Variants in COL6A6 observed in about 807,000 individuals in gnomAD.
COL6A6 encodes collagen alpha-6(VI) chain.
Under a neutral mutation model 208.6 loss-of-function variants are expected in COL6A6, and 183 were observed. That is an observed-to-expected ratio of 0.88 (90% CI 0.78 to 0.99). The LOEUF (loss-of-function observed/expected upper bound fraction) is 0.99. COL6A6 is among the 50% of genes least tolerant of loss of function. The pLI is 0.00. For missense variants in COL6A6, 2,816 were observed against 2,815.2 expected, an observed-to-expected ratio of 1.00 and a Z score of -0.01; for synonymous variants, 973 against 1,011.8, an observed-to-expected ratio of 0.96 and a Z score of 0.73.
At chr3:130,530,367 G>A (rs148769684) in intron 1 of COL6A6, among the ~76,000 whole-genome samples, 53 of 152,244 alleles carry the variant, frequency 3.5e-4, no homozygotes, top group Admixed American at 1.3e-3. Flanking sequence ...CTTAAAAACC[G>A]TTTGGCTCTG....
At chr3:130,584,942 TTC>T (rs148582515) in intron 10 of COL6A6, among the ~76,000 whole-genome samples, 6,986 of 152,200 alleles carry the variant, frequency 0.046, 540 homozygotes, top group African/African-American at 0.16. Context: ...CAGCTAACCA[TTC>T]TGTTTGCCTC....
intron 32 of COL6A6, among the ~76,000 whole-genome samples, chr3:130,647,289 A>T (rs1353471542): frequency 6.6e-6 from 1 of 152,042 alleles, no homozygotes; most frequent in African/African-American, 2.4e-5. Flanking sequence ...TTTTTCCCCT[A>T]AAAAAACTTG....
intron 18 of COL6A6, among the ~76,000 whole-genome samples, chr3:130,597,655 C>T (rs1222866214): frequency 2.0e-5 from 3 of 152,282 alleles, no homozygotes; most frequent in South Asian, 2.1e-4. Context: ...GTGGTTCATA[C>T]GACTCAAGCA....
In COL6A6 at chr3:130,621,858, G is replaced by A. The variant is rs1284232468; in HGVS notation, c.4853G>A (p.Gly1618Asp). The part of the protein sequence containing the change: ...PGPGGEAGNQ[G>D]RLGSQGNKGE... ...CCCGGAGGAGAGGCAGGGAATCAAG[G>A]CCGTTTGGGAAGCCAAGGAAATAAA... The change falls in exon 24 of 37, where the codon GGC becomes GAC. Residue 1618 changes from glycine (G) to aspartate (D), a missense_variant. Coordinates refer to ENST00000358511, the MANE Select transcript of COL6A6 (RefSeq NM_001102608.3). 7.4e-6 allele frequency: 12 copies of A among 1,613,772 alleles called. No homozygotes were observed. The highest frequency in any genetic ancestry group is 1.0e-5 in the Non-Finnish European group (12 of 1,179,830).
intron 8 of COL6A6, among the ~76,000 whole-genome samples, chr3:130,575,644 C>T (rs1560015714): frequency 6.6e-6 from 1 of 152,188 alleles, no homozygotes; most frequent in East Asian, 1.9e-4. Context: ...CCCCATCTTC[C>T]AGGTGCTCCT....
chr3:130,643,158 A>C, intron 31 of COL6A6, 135 bp downstream of exon 31: 1 of 896,678 alleles, frequency 1.1e-6, no homozygotes. Context: ...TTTTTGAGTC[A>C]GCATAGACTG....
rs528283993 is a variant in COL6A6, at chr3:130,564,504, T to C, written c.662-490T>C. 1.2e-3 allele frequency among the ~76,000 whole-genome samples: 184 copies of C among 152,350 alleles called. No homozygotes were observed. In the South Asian group the frequency reaches 0.013, roughly 11 times the overall value. ...GATATATATACTTACCTATTGATAA[T>C]AGAGAATGCTTTCCTTGGGGTCATC... On this transcript the variant is annotated intron_variant, in intron 3 of 36. Transcript: ENST00000358511.
At chr3:130,621,936 C>G in intron 24 of COL6A6, 53 bp downstream of exon 24, 1 of 1,465,962 alleles carries the variant, frequency 6.8e-7, no homozygotes, top group South Asian at 1.1e-5. Flanking sequence ...CTCAAGAGAA[C>G]TGTGTCTAAT....
At chr3:130,550,414 A>G (rs2062615554) in intron 1 of COL6A6, among the ~76,000 whole-genome samples, 1 of 152,146 alleles carries the variant, frequency 6.6e-6, no homozygotes, top group Admixed American at 6.5e-5. Flanking sequence ...AGCTTTCCCC[A>G]TTCAGTATGA....
At chr3:130,665,385 T>C (rs975390783) in intron 36 of COL6A6, among the ~76,000 whole-genome samples, 11 of 152,178 alleles carry the variant, frequency 7.2e-5, no homozygotes, top group African/African-American at 2.4e-4. Context: ...AACCACATTG[T>C]GGTTTCTAAA....
At chr3:130,652,933 C>A (rs995897655) in intron 33 of COL6A6, among the ~76,000 whole-genome samples, 2 of 152,178 alleles carry the variant, frequency 1.3e-5, no homozygotes, top group Admixed American at 6.5e-5. Flanking sequence ...TGTTGGGACT[C>A]AGAAGCACCC....
chr3:130,652,384 A>C (rs1174916482), intron 33 of COL6A6, among the ~76,000 whole-genome samples: 4 of 152,236 alleles, frequency 2.6e-5, no homozygotes, highest in African/African-American at 9.6e-5. Flanking sequence ...TAAACACAAC[A>C]AGGACCACAT....
At chr3:130,626,408 T>C (rs1473265672) in intron 24 of COL6A6, 77 bp from the exon 25 acceptor site, 5 of 1,017,952 alleles carry the variant, frequency 4.9e-6, no homozygotes, top group Non-Finnish European at 7.8e-6. Context: ...CATTGTTGTG[T>C]GTGATCCACA....
At chr3:130,651,425 CAAAAAAA>C (rs35957602) in intron 33 of COL6A6, among the ~76,000 whole-genome samples, 1 of 61,038 alleles carries the variant, frequency 1.6e-5, no homozygotes, top group African/African-American at 6.4e-5. Flanking sequence ...GACTCCATCT[CAAAAAAA>C]AAAAAAAAAA....
intron 30 of COL6A6, 40 bp downstream of exon 30, chr3:130,642,907 C>T (rs1234406113): frequency 1.9e-6 from 3 of 1,613,112 alleles, no homozygotes; most frequent in Non-Finnish European, 2.5e-6. Context: ...TCTGAGTGCT[C>T]CATTCAATTT....
At chr3:130,600,896 A>T (rs1016720380) in intron 20 of COL6A6, among the ~76,000 whole-genome samples, 5 of 152,196 alleles carry the variant, frequency 3.3e-5, no homozygotes, top group Admixed American at 1.3e-4. Context: ...AACAGGAAAA[A>T]AAAAGGGGGA....
chr3:130,669,111 T>G (rs11920921), intron 36 of COL6A6, among the ~76,000 whole-genome samples: 1 of 152,296 alleles, frequency 6.6e-6, no homozygotes, highest in South Asian at 2.1e-4. Context: ...AATAATATTT[T>G]AGGCTGGGCA....
At chr3:130,518,841 G>A (rs1213244200) in intron 1 of COL6A6, among the ~76,000 whole-genome samples, 5 of 151,920 alleles carry the variant, frequency 3.3e-5, no homozygotes, top group African/African-American at 4.8e-5. Context: ...GAAAAAGAAG[G>A]AGAAAAAAAA....
intron 35 of COL6A6, 122 bp downstream of exon 35, chr3:130,662,430 G>T: frequency 1.1e-6 from 1 of 881,940 alleles, no homozygotes; most frequent in South Asian, 1.8e-5. Flanking sequence ...GCACTTCAGG[G>T]TCAGAAAGGA....
Sources: gnomAD v4.1 joint callset for allele counts (sites outside exome capture counted in the v4.1 genomes callset) on GRCh38, gnomAD v4.1.1 for gene constraint, MANE v1.5 for transcripts, NCBI Gene and HGNC (gene_info 2026-07-23, HGNC 2026-07-21) for gene names.